IPO13: variants seen among roughly 807,000 people sequenced by gnomAD.
The protein encoded by IPO13 is importin-13.
In IPO13, 28 loss-of-function variants were observed where a neutral mutation model predicts 115.5. The ratio of observed to expected loss-of-function variants is 0.24; its 90% CI spans 0.18 to 0.33. The LOEUF is 0.33. Ranked by LOEUF, IPO13 falls within the 10% of genes least tolerant of loss-of-function variation. The pLI, the probability that IPO13 is intolerant of heterozygous loss-of-function variation, is 1.00. For missense variants in IPO13, 785 were observed against 1,204.6 expected, an observed-to-expected ratio of 0.65 and a Z score of 5.16; for synonymous variants, 414 against 478.9, an observed-to-expected ratio of 0.86 and a Z score of 1.77.
intron 14 of IPO13, among the ~76,000 whole-genome samples, chr1:43,962,958 T>C (rs2085299988): frequency 6.6e-6 from 1 of 152,156 alleles, no homozygotes; most frequent in Non-Finnish European, 1.5e-5. Context: ...GGGGGAGGGC[T>C]CCCTGCCCTT....
chr1:43,961,628 C>G (rs2085291097), intron 14 of IPO13, among the ~76,000 whole-genome samples: 1 of 152,118 alleles, frequency 6.6e-6, no homozygotes. Flanking sequence ...GTCAGCTAGA[C>G]CTAGATTCTA....
At chr1:43,948,472 C>T (rs980421045) in intron 1 of IPO13, among the ~76,000 whole-genome samples, 12 of 152,228 alleles carry the variant, frequency 7.9e-5, no homozygotes, top group Non-Finnish European at 5.9e-5. Flanking sequence ...TATCCTTAAC[C>T]CCCGTTTGCC....
intron 2 of IPO13, among the ~76,000 whole-genome samples, chr1:43,951,495 G>A (rs1443294107): frequency 6.6e-6 from 1 of 152,200 alleles, no homozygotes; most frequent in Non-Finnish European, 1.5e-5. Context: ...AGAGGGTCTG[G>A]TGATCTGTAA....
intron 2 of IPO13, among the ~76,000 whole-genome samples, chr1:43,950,508 G>C (rs547273510): frequency 8.5e-4 from 129 of 152,186 alleles, no homozygotes; most frequent in Non-Finnish European, 1.4e-3. Context: ...CCAGATTACT[G>C]TAGAGCTTGT....
intron 2 of IPO13, among the ~76,000 whole-genome samples, chr1:43,950,487 C>T (rs527303468): frequency 3.9e-5 from 6 of 152,214 alleles, no homozygotes; most frequent in Non-Finnish European, 8.8e-5. Flanking sequence ...AAGCTGTCAT[C>T]ATCTCTCTCC....
intron 2 of IPO13, among the ~76,000 whole-genome samples, chr1:43,954,771 G>A (rs1425851555): frequency 6.6e-6 from 1 of 151,994 alleles, no homozygotes; most frequent in Non-Finnish European, 1.5e-5. Context: ...CTTTCTCCTT[G>A]GGCAATTCTC....
At chr1:43,949,284 C>T (rs953144969) in intron 1 of IPO13, 133 bp from the exon 2 acceptor site, 94 of 891,750 alleles carry the variant, frequency 1.1e-4, no homozygotes, top group Admixed American at 4.3e-4. Context: ...CACTGCAGAG[C>T]GCTGAGCTCT....
chr1:43,949,345 T>A (rs988402127), intron 1 of IPO13, 72 bp from the exon 2 acceptor site: 2 of 1,487,584 alleles, frequency 1.3e-6, no homozygotes, highest in Admixed American at 4.4e-5. Context: ...CAGGACCAAG[T>A]CACGCCTCTG....
At chr1:43,949,302 C>T in intron 1 of IPO13, 115 bp from the exon 2 acceptor site, 2 of 1,142,222 alleles carry the variant, frequency 1.8e-6, no homozygotes, top group South Asian at 1.6e-5. Context: ...TCTCCCTGCT[C>T]AGCCCCCCAG....
intron 2 of IPO13, among the ~76,000 whole-genome samples, chr1:43,955,515 C>T (rs2085238320): frequency 6.6e-6 from 1 of 152,202 alleles, no homozygotes; most frequent in Non-Finnish European, 1.5e-5. Context: ...TTGCCTCTTC[C>T]TAGCTCTGTG....
chr1:43,948,676 C>T (rs1168671177), intron 1 of IPO13, among the ~76,000 whole-genome samples: 2 of 152,246 alleles, frequency 1.3e-5, no homozygotes, highest in Non-Finnish European at 2.9e-5. Flanking sequence ...CATGGTGGCG[C>T]ACTGTTCCAT....
Position 43,949,704 on chromosome 1 carries a change from C to G in IPO13, c.372C>G (p.Cys124Trp). The G allele has an allele frequency of 1.2e-6, 2 of 1,614,230 alleles. No individual in the cohort carries two copies. Among genetic ancestry groups the G allele is most frequent in the Non-Finnish European group, 1.7e-6 (2 of 1,180,022 alleles). The change falls in exon 2 of 20, where the codon TGC becomes TGG. Residue 124 changes from cysteine to tryptophan, a missense_variant. This residue lies in a region of IPO13 where 325 missense variants were observed against 449.8 expected (regional missense o/e 0.72). Coordinates refer to ENST00000372343, the MANE Select transcript of IPO13 (RefSeq NM_014652.4). Reference protein sequence around the residue: ...SGSKIVLTRLCVALASLALSM... With the variant: ...SGSKIVLTRLWVALASLALSM... ...CCAAGATTGTACTGACTCGGCTGTG[C>G]GTGGCACTGGCCTCACTGGCTCTCA...
In IPO13 at chr1:43,967,815, G is replaced by C; in HGVS notation, c.*133G>C. On this transcript the variant is annotated 3_prime_UTR_variant, in exon 20 of 20. Transcript: ENST00000372343. The surrounding 1 kb of genome is among the most constrained non-coding windows in gnomAD (Gnocchi z 6.1). ...CTAACTGAAAGCCTGGGTCCAGAAG[G>C]CCTGGGGGAAGGATGGGAGGATGCT... is the stretch of plus-strand genomic sequence containing the variant. 3.6e-6 allele frequency: 3 copies of C among 844,406 alleles called. No individual in the cohort carries two copies. In the South Asian group the frequency reaches 4.7e-5, roughly 13 times the overall value. The allele number at this position is 844,406 out of a possible 1,614,324, so 52.3% of individuals were successfully genotyped here. A position where few individuals can be genotyped will look rare whatever the true frequency, so the allele number is the denominator to read the frequency against.
chr1:43,953,929 G>T (rs983002782), intron 2 of IPO13, among the ~76,000 whole-genome samples: 6 of 152,302 alleles, frequency 3.9e-5, no homozygotes, highest in African/African-American at 1.4e-4. Flanking sequence ...TTTCAACCTG[G>T]ATTCTGCTTC....
intron 15 of IPO13, among the ~76,000 whole-genome samples, chr1:43,965,551 A>T (rs1054654295): frequency 6.6e-6 from 1 of 151,818 alleles, no homozygotes; most frequent in Admixed American, 6.6e-5. Flanking sequence ...GTGGATGGGT[A>T]TGTTGGAAGA....
intron 1 of IPO13, among the ~76,000 whole-genome samples, chr1:43,948,167 C>T (rs1246735195): frequency 2.0e-5 from 3 of 152,188 alleles, no homozygotes; most frequent in Non-Finnish European, 4.4e-5. Context: ...TGGATGGAAG[C>T]CAGACCAGTC....
rs2085288581 is a variant in IPO13, at chr1:43,961,279, G to T, written c.2344+17G>T. On this transcript the variant is annotated intron_variant, in intron 14 of 19. Transcript: ENST00000372343. ...TCCAGCAAGGTAGGTCCTGACCGGG[G>T]TCTCTGCTGCTGCTGCCACTGCCAC... The T allele has an allele frequency of 1.9e-6, 3 of 1,588,388 alleles. No homozygotes were observed. The highest frequency in any genetic ancestry group is 1.3e-5 in the African/African-American group (1 of 74,336).
rs567615745 is a variant in IPO13 at position 43,958,841 on chromosome 1, T to C, written c.1980T>C (p.His660=). 19 of 1,614,140 alleles carry C rather than the reference T, an allele frequency of 1.2e-5. No individual in the cohort carries two copies. Among genetic ancestry groups the C allele is most frequent in the South Asian group, 6.6e-5 (6 of 91,082 alleles). The change falls in exon 11 of 20, where the codon CAT becomes CAC. Residue 660 remains histidine, a synonymous_variant. Coordinates refer to ENST00000372343, the MANE Select transcript of IPO13 (RefSeq NM_014652.4). The surrounding 1 kb of genome is among the most constrained non-coding windows in gnomAD (Gnocchi z 6.3). The part of the protein sequence containing the change: ...TLDISHHEDD[H]EGPELRKLPV... ...ACATCAGTCATCATGAGGATGATCA[T>C]GAAGGCCCTGAGCTTCGGAAGCTGC...
At chr1:43,961,405 C>A in intron 14 of IPO13, 143 bp downstream of exon 14, 1 of 738,450 alleles carries the variant, frequency 1.4e-6, no homozygotes. Context: ...TGAGATCAAG[C>A]ACAACACCTT....
Sources: allele counts gnomAD v4.1 joint callset (sites outside exome capture counted in the v4.1 genomes callset), GRCh38; gene constraint gnomAD v4.1.1; regional missense constraint gnomAD v4.1.1; non-coding constraint Gnocchi (gnomAD v3.1); transcripts MANE v1.5; gene names NCBI Gene and HGNC (gene_info 2026-07-23, HGNC 2026-07-21).